The following OPRD1 variants were observed in gnomAD, a reference collection of about 807,000 sequenced individuals.
OPRD1 encodes opioid receptor delta 1.
A neutral mutation model predicts 17.5 loss-of-function variants in OPRD1; 19 were observed. That is an observed-to-expected ratio of 1.09 (90% CI 0.76 to 1.60). The LOEUF is 1.60. Among genes scored for constraint, OPRD1 ranks in the 40% most tolerant of loss-of-function variants. The pLI is 0.00. For missense variants in OPRD1, 483 were observed against 547.2 expected (o/e 0.88, Z 1.17); for synonymous variants, 256 against 240.9 (o/e 1.06, Z -0.58).
chr1:28,813,964 C>G (rs570026708), intron 1 of OPRD1, among the ~76,000 whole-genome samples: 2 of 152,254 alleles, frequency 1.3e-5, no homozygotes, highest in South Asian at 4.1e-4. Context: ...CAGCGCAGAA[C>G]GTGGTGTGTT....
intron 1 of OPRD1, among the ~76,000 whole-genome samples, chr1:28,850,524 T>C (rs549327121): frequency 6.6e-6 from 1 of 152,012 alleles, no homozygotes; most frequent in South Asian, 2.1e-4. Context: ...GGTTTCTCCA[T>C]GTTGGTCAGG....
intron 1 of OPRD1, among the ~76,000 whole-genome samples, chr1:28,837,263 G>A (rs542361199): frequency 2.6e-5 from 4 of 151,526 alleles, no homozygotes; most frequent in East Asian, 3.9e-4. Flanking sequence ...CGGAGCTCAG[G>A]TGGTAATGCG....
intron 1 of OPRD1, among the ~76,000 whole-genome samples, chr1:28,840,647 C>T (rs985242044): frequency 4.6e-5 from 7 of 152,118 alleles, no homozygotes; most frequent in Non-Finnish European, 7.3e-5. Flanking sequence ...CGGGGCCAGG[C>T]GTGGTGGCTC....
chr1:28,828,604 T>C (rs1156814510), intron 1 of OPRD1, among the ~76,000 whole-genome samples: 4 of 149,780 alleles, frequency 2.7e-5, no homozygotes, highest in Non-Finnish European at 4.4e-5. Context: ...GAGAGTCGCT[T>C]GAGCTCAGAA....
intron 1 of OPRD1, among the ~76,000 whole-genome samples, chr1:28,856,030 C>CA (rs1208649536): frequency 2.0e-5 from 3 of 152,170 alleles, no homozygotes; most frequent in Admixed American, 6.5e-5. Flanking sequence ...TTCCGTCATT[C>CA]AAAAACACTG....
chr1:28,828,063 G>A (rs576385675), intron 1 of OPRD1, among the ~76,000 whole-genome samples: 1 of 151,994 alleles, frequency 6.6e-6, no homozygotes, highest in Non-Finnish European at 1.5e-5. Context: ...CAACTAGAAT[G>A]GTGAATTTTT....
intron 1 of OPRD1, among the ~76,000 whole-genome samples, chr1:28,824,170 A>G (rs1481203996): frequency 1.4e-5 from 2 of 140,096 alleles, no homozygotes; most frequent in Admixed American, 7.3e-5. Flanking sequence ...CAGAGTGAGA[A>G]CCTATCTCCA....
At chr1:28,847,158 TCTC>T (rs1557576275) in intron 1 of OPRD1, among the ~76,000 whole-genome samples, 1 of 151,750 alleles carries the variant, frequency 6.6e-6, no homozygotes, top group Non-Finnish European at 1.5e-5. Flanking sequence ...TTCAACCAAT[TCTC>T]CTACTTCAGC....
chr1:28,836,496 C>T (rs1569624634), intron 1 of OPRD1, among the ~76,000 whole-genome samples: 2 of 127,988 alleles, frequency 1.6e-5, no homozygotes, highest in African/African-American at 5.9e-5. Context: ...GGCGACAGAG[C>T]GAGATTCCAT....
At chr1:28,834,320 C>T (rs1182588281) in intron 1 of OPRD1, among the ~76,000 whole-genome samples, 1 of 151,930 alleles carries the variant, frequency 6.6e-6, no homozygotes, top group African/African-American at 2.4e-5. Context: ...ATCCTCAATC[C>T]TGTTTCGTAG....
At chr1:28,824,035 G>A (rs551113896) in intron 1 of OPRD1, among the ~76,000 whole-genome samples, 20 of 151,346 alleles carry the variant, frequency 1.3e-4, no homozygotes, top group African/African-American at 4.8e-4. Context: ...AAAGTTAGCC[G>A]GGCGGTAGTG....
chr1:28,815,082 A>G (rs1412551086), intron 1 of OPRD1, among the ~76,000 whole-genome samples: 1 of 152,154 alleles, frequency 6.6e-6, no homozygotes, highest in African/African-American at 2.4e-5. Context: ...GAGGACAGTC[A>G]AAGCATTGTC....
chr1:28,856,616 A>G (rs1569650862), intron 1 of OPRD1, among the ~76,000 whole-genome samples: 1 of 152,038 alleles, frequency 6.6e-6, no homozygotes. Context: ...TGTGGTGGTG[A>G]CACTGCATTT....
At chr1:28,831,086 G>A (rs1283457978) in intron 1 of OPRD1, among the ~76,000 whole-genome samples, 2 of 152,230 alleles carry the variant, frequency 1.3e-5, no homozygotes, top group Admixed American at 6.5e-5. Flanking sequence ...TCCTCCCACA[G>A]TGCTGGGAAA....
At chr1:28,860,945 G>A (rs868279911) in intron 2 of OPRD1, among the ~76,000 whole-genome samples, 13 of 152,080 alleles carry the variant, frequency 8.5e-5, no homozygotes, top group Admixed American at 1.3e-4. Context: ...TTCAGCTTAC[G>A]GGCCATTAAC....
intron 1 of OPRD1, among the ~76,000 whole-genome samples, chr1:28,838,470 A>G (rs1161827970): frequency 1.3e-5 from 2 of 152,094 alleles, no homozygotes; most frequent in Non-Finnish European, 2.9e-5. Flanking sequence ...AAAGTGAGAG[A>G]GGAGGTTTGA....
chr1:28,828,658 C>T lies in OPRD1; in HGVS notation c.227+16048C>T, dbSNP rs182338001. Among the ~76,000 whole-genome samples, 24 of 145,246 alleles carry T rather than the reference C, an allele frequency of 1.7e-4. No individual in the cohort carries two copies. In the East Asian group the frequency reaches 4.9e-3, roughly 30 times the overall value. ...CTATGATCGTGCCACTGCATTCCAG[C>T]CTGAGTGACAGAGTGAAACTCGATC... On this transcript the variant is annotated intron_variant, in intron 1 of 2. Coordinates refer to ENST00000234961, the MANE Select transcript of OPRD1 (RefSeq NM_000911.4).
chr1:28,836,509 C>CAAA (rs36110179), intron 1 of OPRD1, among the ~76,000 whole-genome samples: 50 of 136,024 alleles, frequency 3.7e-4, no homozygotes, highest in South Asian at 2.2e-3. Flanking sequence ...GATTCCATCT[C>CAAA]AAAAAAAAAA....
At chr1:28,857,004 G>A (rs550733234) in intron 1 of OPRD1, among the ~76,000 whole-genome samples, 1 of 152,182 alleles carries the variant, frequency 6.6e-6, no homozygotes, top group South Asian at 2.1e-4. Context: ...GTCTACCACC[G>A]AGGACACCCA....
Sources: gnomAD v4.1 joint callset for allele counts (sites outside exome capture counted in the v4.1 genomes callset) on GRCh38, gnomAD v4.1.1 for gene constraint, MANE v1.5 for transcripts, NCBI Gene and HGNC (gene_info 2026-07-23, HGNC 2026-07-21) for gene names.